The following FGGY variants were observed in gnomAD, a reference collection of about 807,000 sequenced individuals.
FGGY encodes FGGY carbohydrate kinase domain containing.
A neutral mutation model predicts 71.3 loss-of-function variants in FGGY; 72 were observed. The ratio of observed to expected loss-of-function variants is 1.01; its 90% CI spans 0.84 to 1.23. The LOEUF is 1.23. FGGY is among the 50% of genes most tolerant of loss of function. The probability of loss-of-function intolerance (pLI) is 0.00; values close to 1 mark genes in which losing one functional copy is unlikely to be tolerated. For missense variants in FGGY, 668 were observed against 682.3 expected (o/e 0.98, Z 0.23); for synonymous variants, 251 against 250.3 (o/e 1.00, Z -0.02).
chr1:59,463,556 C>T (rs2092404495), intron 6 of FGGY, among the ~76,000 whole-genome samples: 1 of 152,014 alleles, frequency 6.6e-6, no homozygotes, highest in Non-Finnish European at 1.5e-5. Flanking sequence ...AATTAAAAGA[C>T]ACAGACTGGC....
chr1:59,615,944 G>A (rs2153829497), intron 9 of FGGY, among the ~76,000 whole-genome samples: 1 of 152,286 alleles, frequency 6.6e-6, no homozygotes, highest in African/African-American at 2.4e-5. Flanking sequence ...AAACCACAGT[G>A]AGATACCATC....
chr1:59,573,046 T>C lies in FGGY; in HGVS notation c.903+18819T>C, dbSNP rs2096013491. On this transcript the variant is annotated intron_variant, in intron 8 of 15. Transcript: ENST00000303721. ...ACTTGAATCTGATCATGAGGAAATA[T>C]CAGAAACCCAAATTGAGGGAGATTC... Among the ~76,000 whole-genome samples the C allele has an allele frequency of 2.6e-5, 4 of 152,264 alleles. No individual in the cohort carries two copies. In the South Asian group the frequency reaches 8.3e-4, roughly 32 times the overall value.
At chr1:59,415,148 G>A (rs1366867300) in intron 5 of FGGY, among the ~76,000 whole-genome samples, 2 of 152,306 alleles carry the variant, frequency 1.3e-5, no homozygotes, top group East Asian at 1.9e-4. Flanking sequence ...TTGCCGTCTG[G>A]TGGGGCCAAG....
At chr1:59,620,163 C>T (rs901022004) in intron 9 of FGGY, among the ~76,000 whole-genome samples, 1 of 151,824 alleles carries the variant, frequency 6.6e-6, no homozygotes, top group Non-Finnish European at 1.5e-5. Context: ...CATTATCTTC[C>T]TTCATCTTAG....
At chr1:59,620,818 A>C (rs931697172) in intron 9 of FGGY, among the ~76,000 whole-genome samples, 5 of 152,054 alleles carry the variant, frequency 3.3e-5, no homozygotes. Context: ...CTCCTATCCC[A>C]GCTCTTCACG....
intron 15 of FGGY, among the ~76,000 whole-genome samples, chr1:59,758,280 T>G (rs2098311881): frequency 6.6e-6 from 1 of 152,212 alleles, no homozygotes; most frequent in South Asian, 2.1e-4. Context: ...AAAGTAGGGA[T>G]CTCTTATATC....
chr1:59,742,294 A>T (rs1430030845), intron 14 of FGGY, among the ~76,000 whole-genome samples: 1 of 152,166 alleles, frequency 6.6e-6, no homozygotes, highest in Non-Finnish European at 1.5e-5. Context: ...CTCAGTCATT[A>T]GTGCTGACCC....
chr1:59,538,061 A>G (rs1004292363), intron 7 of FGGY, among the ~76,000 whole-genome samples: 18 of 152,188 alleles, frequency 1.2e-4, no homozygotes, highest in Non-Finnish European at 2.2e-4. Context: ...TGAACAGGCA[A>G]CCTACAAAAT....
rs117489875 is a variant in FGGY at position 59,474,929 on chromosome 1, A to T, written c.670+17853A>T. ...CAGCCTCAATTAGTATATTATGAAG[A>T]TTAGTAAGTATATCATGAGGATGAA... On this transcript the variant is annotated intron_variant, in intron 6 of 15. Coordinates refer to ENST00000303721, the MANE Select transcript of FGGY (RefSeq NM_018291.5). Among the ~76,000 whole-genome samples, 45 of 152,310 alleles carry T rather than the reference A, an allele frequency of 3.0e-4. No individual in the cohort carries two copies. In the East Asian group the frequency reaches 8.3e-3, roughly 28 times the overall value.
chr1:59,555,864 G>A (rs1052420937), intron 8 of FGGY, among the ~76,000 whole-genome samples: 4 of 152,094 alleles, frequency 2.6e-5, no homozygotes, highest in Non-Finnish European at 5.9e-5. Flanking sequence ...AGCCGGGCGT[G>A]GTGGCAGGCA....
At chr1:59,662,001 G>A (rs962655407) in intron 12 of FGGY, among the ~76,000 whole-genome samples, 1 of 145,854 alleles carries the variant, frequency 6.9e-6, no homozygotes, top group Admixed American at 6.7e-5. Flanking sequence ...TTACAGGCAT[G>A]AGCCACCGCA....
intron 4 of FGGY, among the ~76,000 whole-genome samples, chr1:59,374,789 T>G (rs1571234954): frequency 1.3e-5 from 2 of 151,770 alleles, no homozygotes; most frequent in East Asian, 1.9e-4. Context: ...ATCATCATTC[T>G]CAGTAAACTA....
At chr1:59,519,418 C>T (rs755896229) in intron 7 of FGGY, among the ~76,000 whole-genome samples, 1 of 151,934 alleles carries the variant, frequency 6.6e-6, no homozygotes, top group Non-Finnish European at 1.5e-5. Flanking sequence ...TTACTTGTGC[C>T]GTGTATGGAA....
Position 59,530,204 on chromosome 1 carries a change from T to G in FGGY, c.799+17765T>G, listed in dbSNP as rs183748020. The stretch of plus-strand genomic sequence containing the variant: ...GGCCTCCCAAAGCTGAGAAAACACT[T>G]GCCATAGAGTGCACATACTGTAGGA... On this transcript the variant is annotated intron_variant, in intron 7 of 15. Transcript: ENST00000303721. 1.6e-4 allele frequency among the ~76,000 whole-genome samples: 25 copies of G among 152,294 alleles called. No individual in the cohort carries two copies. In the East Asian group the frequency reaches 4.6e-3, roughly 28 times the overall value.
intron 14 of FGGY, among the ~76,000 whole-genome samples, chr1:59,717,256 G>A (rs1025215447): frequency 2.0e-5 from 3 of 151,932 alleles, no homozygotes; most frequent in African/African-American, 7.3e-5. Context: ...ATTTTATAGG[G>A]TAATCTATAT....
At chr1:59,325,068 C>A (rs1311955614) in intron 2 of FGGY, among the ~76,000 whole-genome samples, 1 of 152,100 alleles carries the variant, frequency 6.6e-6, no homozygotes, top group African/African-American at 2.4e-5. Context: ...ATAAAGTAAG[C>A]TTAGGCGGGG....
chr1:59,378,236 C>G (rs774683012), intron 4 of FGGY, among the ~76,000 whole-genome samples: 5 of 152,010 alleles, frequency 3.3e-5, no homozygotes, highest in Non-Finnish European at 5.9e-5. Flanking sequence ...TGGGAGGGAC[C>G]TGGTGGGAGA....
intron 6 of FGGY, among the ~76,000 whole-genome samples, chr1:59,466,183 C>T (rs2092613336): frequency 6.6e-6 from 1 of 151,918 alleles, no homozygotes; most frequent in South Asian, 2.1e-4. Context: ...CAGAACAGAG[C>T]CCTCAGAAAT....
intron 7 of FGGY, 50 bp downstream of exon 7, chr1:59,512,489 T>C: frequency 1.3e-6 from 2 of 1,593,384 alleles, no homozygotes; most frequent in Non-Finnish European, 1.7e-6. Context: ...AAATGGAATA[T>C]TCCCTAGAAC....
Sources: allele counts gnomAD v4.1 joint callset (sites outside exome capture counted in the v4.1 genomes callset), GRCh38; gene constraint gnomAD v4.1.1; transcripts MANE v1.5; gene names NCBI Gene and HGNC (gene_info 2026-07-23, HGNC 2026-07-21).